Variants in KIAA0930 observed in about 807,000 individuals in gnomAD.
KIAA0930 encodes KIAA0930.
KIAA0930 carries 24 observed loss-of-function variants against 43.9 expected under a neutral mutation model. The ratio of observed to expected loss-of-function variants is 0.55; its 90% CI spans 0.40 to 0.77. The LOEUF (loss-of-function observed/expected upper bound fraction) is 0.77, where lower values mean the gene tolerates loss of function less well. Ranked by LOEUF, KIAA0930 falls within the 30% of genes least tolerant of loss-of-function variation. The pLI, the probability that KIAA0930 is intolerant of heterozygous loss-of-function variation, is 0.00. For synonymous variants in KIAA0930, 259 were observed against 216.4 expected (o/e 1.20, Z -1.73); for missense variants, 461 against 574.2 (o/e 0.80, Z 2.02).
intron 6 of KIAA0930, 75 bp downstream of exon 6, chr22:45,203,770 G>A: frequency 2.0e-6 from 3 of 1,536,552 alleles, no homozygotes; most frequent in Non-Finnish European, 8.8e-7. Context: ...GGGCCCCATG[G>A]TATGGACCAC....
At position 45,211,936 on chromosome 22, in the gene KIAA0930, A is replaced by T; in HGVS notation, c.216+20T>A. The T allele has an allele frequency of 6.2e-7, 1 of 1,605,584 alleles. No homozygotes were observed. The highest frequency in any genetic ancestry group is 8.5e-7 in the Non-Finnish European group (1 of 1,178,998). On this transcript the variant is annotated intron_variant, in intron 2 of 9. Transcript: ENST00000336156. ...ATGCTTGGGGCACAGACGCAGGGGC[A>T]GGGGCCGGGGGTCACTCACCTTCCT...
In KIAA0930 at chr22:45,203,105, T is replaced by C; in HGVS notation, c.737A>G (p.Lys246Arg). The change falls in exon 7 of 10, where the codon AAG becomes AGG. Residue 246 changes from lysine (K) to arginine (R), a missense_variant. Physicochemically the swap from Lys to Arg is conservative, Grantham distance 26 (BLOSUM62 2). Transcript: ENST00000336156. ...GGCGTGGCCCTTGCCCTGGGGGCCC[T>C]TCATGCGCACAAACTCCATGTTGCT... is the stretch of plus-strand genomic sequence containing the variant. ...KYSNMEFVRM[K>R]GPQGKGHAEM... The C allele has an allele frequency of 6.2e-7, 1 of 1,613,622 alleles. No homozygotes were observed. Among genetic ancestry groups the C allele is most frequent in the South Asian group, 1.1e-5 (1 of 91,014 alleles).
At position 45,228,542 on chromosome 22, in the gene KIAA0930, C is replaced by T. The variant is rs534022197; in HGVS notation, c.64+12098G>A. Among the ~76,000 whole-genome samples the T allele has an allele frequency of 2.0e-5, 3 of 152,308 alleles. No homozygotes were observed. The South Asian group carries it at 6.2e-4, about 32-fold the overall frequency. On this transcript the variant is annotated intron_variant, in intron 1 of 9. Coordinates refer to ENST00000336156, the MANE Select transcript of KIAA0930 (RefSeq NM_001009880.2). ...AACAGAGCCCAGAGGCCTACAGTGACTTCCCAGAAGCGGCTCAGCAAATTA... is the reference window on the plus strand; with the variant it reads ...AACAGAGCCCAGAGGCCTACAGTGATTTCCCAGAAGCGGCTCAGCAAATTA...
At chr22:45,238,046 G>A (rs1264184759) in intron 1 of KIAA0930, among the ~76,000 whole-genome samples, 3 of 151,528 alleles carry the variant, frequency 2.0e-5, no homozygotes, top group African/African-American at 7.3e-5. Flanking sequence ...TCAGCCTCCT[G>A]AGTAGCTGCG....
At chr22:45,206,339 A>AG (rs1424392527) in intron 2 of KIAA0930, among the ~76,000 whole-genome samples, 2 of 152,076 alleles carry the variant, frequency 1.3e-5, no homozygotes, top group African/African-American at 2.4e-5. Context: ...CTTGCTCCCC[A>AG]GTTCTCTAGC....
At chr22:45,207,007 T>C (rs2083644035) in intron 2 of KIAA0930, among the ~76,000 whole-genome samples, 1 of 150,610 alleles carries the variant, frequency 6.6e-6, no homozygotes, top group Non-Finnish European at 1.5e-5. Flanking sequence ...CCTCAATTTA[T>C]TTCTTATTTA....
chr22:45,197,899 T>C lies in KIAA0930; in HGVS notation c.1065A>G (p.Thr355=), dbSNP rs139335218. The change falls in exon 9 of 10, where the codon ACA becomes ACG. Residue 355 remains threonine (T), a synonymous_variant. Coordinates refer to ENST00000336156, the MANE Select transcript of KIAA0930 (RefSeq NM_001009880.2). ...GCCAGGACCCGACCAGGGACCGTCC[T>C]GTGCCCGACAGGGACCGAGACCGCA... The part of the protein sequence containing the change: ...TNLRSRSLSG[T]GRSLVGSWLK... The C allele has an allele frequency of 4.3e-5, 70 of 1,614,086 alleles. No homozygotes were observed. In the African/African-American group the frequency reaches 8.5e-4, roughly 20 times the overall value.
intron 1 of KIAA0930, among the ~76,000 whole-genome samples, chr22:45,227,744 A>C (rs1253934614): frequency 1.3e-5 from 2 of 152,182 alleles, no homozygotes; most frequent in Non-Finnish European, 2.9e-5. Context: ...ACTGAACTTC[A>C]GGGAAGGATC....
chr22:45,205,165 C>T, intron 5 of KIAA0930, 52 bp downstream of exon 5: 1 of 1,440,090 alleles, frequency 6.9e-7, no homozygotes, highest in South Asian at 1.1e-5. Flanking sequence ...GCGCCTAACA[C>T]CCATCTCACG....
chr22:45,200,875 C>T, intron 7 of KIAA0930: 2 of 471,748 alleles, frequency 4.2e-6, no homozygotes, highest in South Asian at 3.1e-5. Context: ...AAAAGGGATC[C>T]ACAGCCTGGG....
chr22:45,216,888 C>G (rs986095913), intron 1 of KIAA0930, among the ~76,000 whole-genome samples: 1 of 152,140 alleles, frequency 6.6e-6, no homozygotes, highest in Non-Finnish European at 1.5e-5. Flanking sequence ...CCTTCCCTCC[C>G]GGGGTCCTAT....
intron 1 of KIAA0930, among the ~76,000 whole-genome samples, chr22:45,224,691 C>T (rs892941205): frequency 4.6e-5 from 7 of 152,148 alleles, no homozygotes; most frequent in African/African-American, 1.7e-4. Context: ...GGTGGCTGGA[C>T]AGGGAATGCC....
chr22:45,231,549 G>C (rs2083853738), intron 1 of KIAA0930, among the ~76,000 whole-genome samples: 1 of 152,072 alleles, frequency 6.6e-6, no homozygotes, highest in Non-Finnish European at 1.5e-5. Context: ...CCCCTCCCCA[G>C]GGAGGGCCAA....
At chr22:45,233,058 G>A (rs569478332) in intron 1 of KIAA0930, among the ~76,000 whole-genome samples, 2 of 152,216 alleles carry the variant, frequency 1.3e-5, no homozygotes, top group African/African-American at 4.8e-5. Context: ...GAAGGTGGAG[G>A]AAGGCATCAC....
At chr22:45,230,197 G>A (rs2083843606) in intron 1 of KIAA0930, among the ~76,000 whole-genome samples, 1 of 152,174 alleles carries the variant, frequency 6.6e-6, no homozygotes, top group South Asian at 2.1e-4. Context: ...GCTGACTCTT[G>A]GCCTGCGGCT....
chr22:45,222,809 A>G (rs74386379), intron 1 of KIAA0930, among the ~76,000 whole-genome samples: 3,093 of 151,856 alleles, frequency 0.02, 103 homozygotes, highest in African/African-American at 0.07. Flanking sequence ...AGAAGGAAAT[A>G]TAAGTGGTTT....
chr22:45,202,718 C>T, intron 7 of KIAA0930: 2 of 373,438 alleles, frequency 5.4e-6, no homozygotes, highest in Non-Finnish European at 9.6e-6. Flanking sequence ...AGAGCTCTGG[C>T]CCAGCACCAG....
At chr22:45,197,341 TCA>T (rs1288884205) in intron 9 of KIAA0930, 125 bp from the exon 10 acceptor site, 21 of 798,078 alleles carry the variant, frequency 2.6e-5, no homozygotes, top group Non-Finnish European at 4.0e-5. Flanking sequence ...TCTCCAGGCC[TCA>T]CAGACTGCAG....
intron 1 of KIAA0930, among the ~76,000 whole-genome samples, chr22:45,232,325 G>A (rs187389680): frequency 6.6e-5 from 10 of 152,350 alleles, no homozygotes; most frequent in Non-Finnish European, 1.2e-4. Context: ...GTTGCTCCAA[G>A]TGTGAAAAGC....
Sources: allele counts gnomAD v4.1 joint callset (sites outside exome capture counted in the v4.1 genomes callset), GRCh38; gene constraint gnomAD v4.1.1; transcripts MANE v1.5; gene names NCBI Gene and HGNC (gene_info 2026-07-23, HGNC 2026-07-21).